CTBP2: variants seen among roughly 807,000 people sequenced by gnomAD.
CTBP2 encodes C-terminal-binding protein 2.
CTBP2 carries 30 observed loss-of-function variants against 80.3 expected under a neutral mutation model. The observed-to-expected ratio is 0.37, with a 90% CI of 0.28 to 0.51. The LOEUF (loss-of-function observed/expected upper bound fraction) is 0.51, where lower values mean the gene tolerates loss of function less well. Among genes scored for constraint, CTBP2 ranks in the 20% least tolerant of loss-of-function variants. CTBP2 has a pLI of 0.93. For synonymous variants in CTBP2, 594 were observed against 587.4 expected (o/e 1.01, Z -0.16); for missense variants, 1,212 against 1,375.3 (o/e 0.88, Z 1.88).
rs1397726578 is a variant in CTBP2 at position 125,134,257 on chromosome 10, T to TA, written c.-205-23165dup. On this transcript the variant is annotated intron_variant, in intron 1 of 10. Coordinates refer to the CTBP2 transcript ENST00000337195. ...ACTCAGAGGTGGAGAGACTGAGGCT[T>TA]AGAGTCTCATGCCAGAGTCCACGGC... 3.3e-5 allele frequency among the ~76,000 whole-genome samples: 5 copies of TA among 152,298 alleles called. No individual in the cohort carries two copies. The East Asian group carries it at 9.7e-4, about 29-fold the overall frequency.
Position 124,994,586 on chromosome 10 carries a change from C to G in CTBP2, c.2283G>C (p.Leu761=), listed in dbSNP as rs1953203797. The G allele has an allele frequency of 6.2e-7, 1 of 1,614,060 alleles. No homozygotes were observed. The highest frequency in any genetic ancestry group is 1.3e-5 in the African/African-American group (1 of 75,052). Residue 761 remains leucine, a synonymous_variant, in exon 5 of 9, where the codon CTG becomes CTC. Transcript: ENST00000309035. ...GCAGGGTGTAGACCCTCTGCACGCC[C>G]AGGGACCGCTCGATCCCATCCTGCA...
At chr10:125,035,911 C>G (rs1056976638) in intron 3 of CTBP2, among the ~76,000 whole-genome samples, 1 of 152,036 alleles carries the variant, frequency 6.6e-6, no homozygotes, top group Admixed American at 6.6e-5. Flanking sequence ...AGGGCTCCTT[C>G]GTAATAATTC....
chr10:125,144,841 AC>A (rs770801686), intron 1 of CTBP2, among the ~76,000 whole-genome samples: 11 of 152,166 alleles, frequency 7.2e-5, no homozygotes, highest in Non-Finnish European at 1.5e-4. Flanking sequence ...AATCTGCAAA[AC>A]CAATTTCTTT....
chr10:125,023,628 G>A (rs1051791134), intron 1 of CTBP2, among the ~76,000 whole-genome samples: 3 of 152,182 alleles, frequency 2.0e-5, no homozygotes, highest in East Asian at 3.9e-4. Flanking sequence ...CTGGTGGGCC[G>A]CACTGGGGTC....
chr10:125,105,145 G>A (rs192643832), intron 2 of CTBP2, among the ~76,000 whole-genome samples: 114 of 152,030 alleles, frequency 7.5e-4, no homozygotes, highest in Admixed American at 8.5e-4. Flanking sequence ...CCACCTGGCC[G>A]AGTTTTAAAA....
chr10:125,155,100 T>C (rs1860679371), intron 1 of CTBP2, among the ~76,000 whole-genome samples: 1 of 152,180 alleles, frequency 6.6e-6, no homozygotes, highest in Admixed American at 6.5e-5. Context: ...GCCGTTAAAA[T>C]CGTTCCTCAA....
Position 124,986,944 on chromosome 10 carries a change from GTT to G in CTBP2, c.*2572_*2573del, listed in dbSNP as rs1221929860. On this transcript the variant is annotated 3_prime_UTR_variant, in exon 9 of 9. Transcript: ENST00000309035. ...TACTGTGTGTTGTGGTCTGGTGAGT[GTT>G]GTTTCCCCTGAGCGCTCTATTATTT... The G allele has an allele frequency of 1.3e-5, 2 of 152,304 alleles. No homozygotes were observed. The highest frequency in any genetic ancestry group is 1.3e-4 in the Admixed American group (2 of 15,170). 9.4% of individuals were successfully genotyped at this position (152,304 alleles called of 1,614,324 possible).
intron 2 of CTBP2, among the ~76,000 whole-genome samples, chr10:125,101,220 A>C (rs1194005786): frequency 6.6e-6 from 1 of 152,250 alleles, no homozygotes; most frequent in Non-Finnish European, 1.5e-5. Flanking sequence ...ACCGCCTTTC[A>C]TGTGAAGTGG....
chr10:125,004,948 TC>T (rs919233231), intron 1 of CTBP2, among the ~76,000 whole-genome samples: 1 of 152,168 alleles, frequency 6.6e-6, no homozygotes, highest in Non-Finnish European at 1.5e-5. Flanking sequence ...CTCTTAGTAG[TC>T]CCCAAGCTGG....
At chr10:125,049,046 G>GACACACACACACACAC (rs1178000125) in intron 2 of CTBP2, among the ~76,000 whole-genome samples, 1,498 of 89,564 alleles carry the variant, frequency 0.017, 67 homozygotes, top group East Asian at 0.055. Context: ...CCTGACCACA[G>GACACACACACACACAC]ACACACACAC....
At chr10:125,106,688 G>A (rs1199821314) in intron 2 of CTBP2, among the ~76,000 whole-genome samples, 1 of 152,228 alleles carries the variant, frequency 6.6e-6, no homozygotes, top group East Asian at 1.9e-4. Flanking sequence ...CCCCTCCAGC[G>A]AAGGAGCAAC....
At chr10:125,093,574 C>T (rs997764133) in intron 2 of CTBP2, among the ~76,000 whole-genome samples, 1 of 152,186 alleles carries the variant, frequency 6.6e-6, no homozygotes, top group Non-Finnish European at 1.5e-5. Flanking sequence ...TATAAATGGC[C>T]TTCCTGCCCA....
rs59184976 is a variant in CTBP2 at position 125,018,553 on chromosome 10, C to CAACAAACA, written c.1678+7521_1678+7528dup. On this transcript the variant is annotated intron_variant, in intron 1 of 8. Coordinates refer to ENST00000309035, the MANE Select transcript of CTBP2 (RefSeq NM_022802.3). ...AAGCACCAGACCAAACCAAACCAAC[C>CAACAAACA]AACAAACAAACAAACAAACAAACAA... Among the ~76,000 whole-genome samples, 756 of 99,558 alleles carry CAACAAACA rather than the reference C, an allele frequency of 7.6e-3. 3 individuals carry two copies. Among genetic ancestry groups the CAACAAACA allele is most frequent in the Middle Eastern group, 0.015 (3 of 198 alleles). 65.3% of individuals were successfully genotyped at this position (99,558 alleles called of 152,430 possible).
chr10:125,082,619 G>T (rs957488222), intron 2 of CTBP2, among the ~76,000 whole-genome samples: 160 of 122,972 alleles, frequency 1.3e-3, no homozygotes, highest in African/African-American at 4.6e-3. Flanking sequence ...AAACAGTCTT[G>T]CTCTGTCGCC....
intron 1 of CTBP2, among the ~76,000 whole-genome samples, chr10:125,157,231 TAAG>T (rs1861079858): frequency 6.6e-6 from 1 of 152,108 alleles, no homozygotes; most frequent in African/African-American, 2.4e-5. Context: ...TAAAATCAGT[TAAG>T]AAAAGGTAAT....
chr10:125,004,416 G>T (rs111796539), intron 1 of CTBP2, among the ~76,000 whole-genome samples: 1 of 152,130 alleles, frequency 6.6e-6, no homozygotes, highest in Non-Finnish European at 1.5e-5. Flanking sequence ...AGCAGGCTCC[G>T]AAGACCTCAG....
rs1590775442 is a variant in CTBP2 at position 125,100,382 on chromosome 10, C to T, written c.-102+10608G>A. ...TTGGGCTCTGGTAAGGGAAGTTCTA[C>T]CATCTGCACTTGGTAATTCCACTGT... On this transcript the variant is annotated intron_variant, in intron 2 of 10. Transcript: ENST00000337195. 2.0e-5 allele frequency among the ~76,000 whole-genome samples: 3 copies of T among 152,196 alleles called. No homozygotes were observed. In the East Asian group the frequency reaches 5.8e-4, roughly 29 times the overall value.
chr10:124,997,834 C>G, intron 4 of CTBP2, 130 bp downstream of exon 6: 1 of 920,798 alleles, frequency 1.1e-6, no homozygotes, highest in Admixed American at 2.6e-5. Flanking sequence ...CCGTGCAACA[C>G]GGGGAGGGTG....
intron 2 of CTBP2, among the ~76,000 whole-genome samples, chr10:125,046,736 C>CA (rs1200341010): frequency 2.0e-5 from 3 of 152,088 alleles, no homozygotes; most frequent in Non-Finnish European, 4.4e-5. Flanking sequence ...CACATGGAGT[C>CA]AGTGCTAGGA....
Sources: gnomAD v4.1 joint callset for allele counts (sites outside exome capture counted in the v4.1 genomes callset) on GRCh38, gnomAD v4.1.1 for gene constraint, MANE v1.5 for transcripts, NCBI Gene and HGNC (gene_info 2026-07-23, HGNC 2026-07-21) for gene names.